Variants in ST8SIA6 observed in about 807,000 individuals in gnomAD.
ST8SIA6 encodes the protein alpha-2,8-sialyltransferase 8F.
Under a neutral mutation model 33.6 loss-of-function variants are expected in ST8SIA6, and 39 were observed. The ratio of observed to expected loss-of-function variants is 1.16; its 90% confidence interval spans 0.90 to 1.52. ST8SIA6 has a LOEUF of 1.52. Among genes scored for constraint, ST8SIA6 ranks in the 40% most tolerant of loss-of-function variants. The pLI, the probability that ST8SIA6 is intolerant of heterozygous loss-of-function variation, is 0.00. For missense variants in ST8SIA6, 441 were observed against 443.8 expected (o/e 0.99, Z 0.06); for synonymous variants, 172 against 167.2 (o/e 1.03, Z -0.22).
In ST8SIA6 at chr10:17,360,920, GGAA is replaced by G. The variant is rs72408184; in HGVS notation, c.291-1323_291-1321del. 7.5e-3 allele frequency among the ~76,000 whole-genome samples: 1,120 copies of G among 148,946 alleles called. 5 individuals carry two copies. The highest frequency in any genetic ancestry group is 0.013 in the Non-Finnish European group (898 of 67,218). On this transcript the variant is annotated intron_variant, in intron 3 of 7. Coordinates refer to ENST00000377602, the MANE Select transcript of ST8SIA6 (RefSeq NM_001004470.3). ...GACGAAGAAGAAGAAGAGGAAGAAG[GGAA>G]GAAGAAGAGGAAAAGGAAGAAGAAG... is the stretch of plus-strand genomic sequence containing the variant.
chr10:17,322,054 G>A (rs1588773257), intron 7 of ST8SIA6, among the ~76,000 whole-genome samples: 2 of 151,622 alleles, frequency 1.3e-5, no homozygotes, highest in South Asian at 4.2e-4. Context: ...AGTGACCTGT[G>A]ATTGCACTGC....
chr10:17,406,361 AC>A (rs1851257881), intron 2 of ST8SIA6, among the ~76,000 whole-genome samples: 1 of 152,202 alleles, frequency 6.6e-6, no homozygotes, highest in East Asian at 1.9e-4. Context: ...TTGCCTTCCC[AC>A]ATTTTCCCAC....
At chr10:17,430,761 T>C (rs1852078725) in intron 2 of ST8SIA6, among the ~76,000 whole-genome samples, 1 of 152,206 alleles carries the variant, frequency 6.6e-6, no homozygotes, top group Non-Finnish European at 1.5e-5. Context: ...TTTGTTTGAG[T>C]TCCTCGTAGA....
chr10:17,432,269 T>A (rs559075018), intron 2 of ST8SIA6, among the ~76,000 whole-genome samples: 15 of 152,288 alleles, frequency 9.8e-5, no homozygotes, highest in African/African-American at 3.6e-4. Context: ...CTGAGTGAAC[T>A]GAGGAGTCAC....
intron 3 of ST8SIA6, among the ~76,000 whole-genome samples, chr10:17,359,906 C>G (rs957237973): frequency 1.3e-5 from 2 of 152,040 alleles, no homozygotes; most frequent in African/African-American, 4.8e-5. Flanking sequence ...AAATAATTGA[C>G]AAATATATAT....
intron 4 of ST8SIA6, among the ~76,000 whole-genome samples, chr10:17,333,718 T>TATAGATAGATATATATA (rs1491246829): frequency 4.1e-5 from 1 of 24,280 alleles, no homozygotes; most frequent in African/African-American, 1.7e-4. Flanking sequence ...TATATATATA[T>TATAGATAGATATATATA]TTTTTTTTTT....
chr10:17,346,865 G>A (rs1348656181), intron 4 of ST8SIA6, among the ~76,000 whole-genome samples: 1 of 152,068 alleles, frequency 6.6e-6, no homozygotes, highest in Non-Finnish European at 1.5e-5. Context: ...TTGTATCTAT[G>A]TATTTATGTA....
At chr10:17,411,430 A>AG (rs1851446137) in intron 2 of ST8SIA6, among the ~76,000 whole-genome samples, 1 of 152,050 alleles carries the variant, frequency 6.6e-6, no homozygotes, top group South Asian at 2.1e-4. Context: ...TGATCTTCCC[A>AG]CCTGGGCCTC....
intron 2 of ST8SIA6, among the ~76,000 whole-genome samples, chr10:17,407,158 C>T (rs1851295282): frequency 6.6e-6 from 1 of 152,110 alleles, no homozygotes. Flanking sequence ...TTTTTTAAAC[C>T]CACATAGCTT....
At position 17,315,489 on chromosome 10, in the gene ST8SIA6, G is replaced by A. The variant is rs566210987; in HGVS notation, c.*5389C>T. 1.9e-4 allele frequency among the ~76,000 whole-genome samples: 29 copies of A among 152,066 alleles called. No individual in the cohort carries two copies. In the East Asian group the frequency reaches 3.7e-3, roughly 19 times the overall value. On this transcript the variant is annotated 3_prime_UTR_variant, in exon 8 of 8. Transcript: ENST00000377602. ...GATAGTAAAATGTTCATCAACAAATGAGCAGATAAGCCAACTGTGGTCCAT... is the reference window on the plus strand; with the variant it reads ...GATAGTAAAATGTTCATCAACAAATAAGCAGATAAGCCAACTGTGGTCCAT...
rs1215013385 is a variant in ST8SIA6 at position 17,315,737 on chromosome 10, G to T, written c.*5141C>A. Reference sequence around the variant, plus strand: ...AGATTAGGAATTTTCTGGGGACGAGGGTGGGATGGACAGGGAGGAAGAAGA... The same window carrying T: ...AGATTAGGAATTTTCTGGGGACGAGTGTGGGATGGACAGGGAGGAAGAAGA... On this transcript the variant is annotated 3_prime_UTR_variant, in exon 8 of 8. Transcript: ENST00000377602. Among the ~76,000 whole-genome samples, 1 of 151,908 alleles carries T rather than the reference G, an allele frequency of 6.6e-6. No homozygotes were observed. The highest frequency in any genetic ancestry group is 1.5e-5 in the Non-Finnish European group (1 of 67,870).
intron 4 of ST8SIA6, among the ~76,000 whole-genome samples, chr10:17,335,570 A>C (rs1232499431): frequency 3.3e-5 from 5 of 152,164 alleles, no homozygotes; most frequent in African/African-American, 1.2e-4. Context: ...TATCCTTCTT[A>C]ATTGGATTCT....
rs954085240 is a variant in ST8SIA6 at position 17,331,526 on chromosome 10, G to A, written c.404C>T (p.Ala135Val). Reference protein sequence around the residue: ...FRAKLASCCDAVQNFVVSQNN... With the variant: ...FRAKLASCCDVVQNFVVSQNN... Reference sequence around the variant, plus strand: ...CTGAGAAACAACAAAGTTTTGAACAGCATCACAGCAGGAAGCAAGTTTGGC... The same window carrying A: ...CTGAGAAACAACAAAGTTTTGAACAACATCACAGCAGGAAGCAAGTTTGGC... Residue 135 changes from alanine to valine, a missense_variant, in exon 5 of 8, where the codon GCT (alanine) becomes GTT (valine). Transcript: ENST00000377602. 4 of 1,611,300 alleles carry A rather than the reference G, an allele frequency of 2.5e-6. No individual in the cohort carries two copies. Among genetic ancestry groups the A allele is most frequent in the Non-Finnish European group, 3.4e-6 (4 of 1,179,146 alleles).
At chr10:17,439,142 T>C (rs1852381056) in intron 2 of ST8SIA6, among the ~76,000 whole-genome samples, 1 of 152,278 alleles carries the variant, frequency 6.6e-6, no homozygotes, top group Admixed American at 6.5e-5. Flanking sequence ...TTTAAAATGA[T>C]AATTTCATTT....
intron 4 of ST8SIA6, among the ~76,000 whole-genome samples, chr10:17,338,503 C>T (rs1482536676): frequency 6.6e-6 from 1 of 152,156 alleles, no homozygotes; most frequent in Non-Finnish European, 1.5e-5. Context: ...AGCCTGTTCC[C>T]CTTGGATGCT....
intron 4 of ST8SIA6, among the ~76,000 whole-genome samples, chr10:17,332,493 C>G (rs1187081416): frequency 6.6e-6 from 1 of 152,190 alleles, no homozygotes; most frequent in Non-Finnish European, 1.5e-5. Context: ...GAGACAGAGT[C>G]TCACTCAATC....
chr10:17,358,534 A>G (rs17140768), intron 4 of ST8SIA6, among the ~76,000 whole-genome samples: 27,870 of 151,822 alleles, frequency 0.18, 2,631 homozygotes, highest in South Asian at 0.21. Context: ...GGCATAGCAC[A>G]AAATTGGAAT....
rs752681503 is a variant in ST8SIA6 at position 17,323,089 on chromosome 10, A to G, written c.704T>C (p.Ile235Thr). The change falls in exon 7 of 8, where the codon ATA (isoleucine) becomes ACA (threonine). Residue 235 changes from isoleucine to threonine, a missense_variant. Physicochemically the swap from Ile to Thr is moderately conservative, Grantham distance 89. Coordinates refer to ENST00000377602, the MANE Select transcript of ST8SIA6 (RefSeq NM_001004470.3). ...CTTCAGAGTTATGATGCTTGGATTT[A>G]TAGTCACAAGATTTGTTTTACTGCC... is the stretch of plus-strand genomic sequence containing the variant. ...DVGSKTNLVT[I>T]NPSIITLKYG... 5 of 1,613,690 alleles carry G rather than the reference A, an allele frequency of 3.1e-6. No individual in the cohort carries two copies. The highest frequency in any genetic ancestry group is 1.1e-5 in the South Asian group (1 of 91,042).
At chr10:17,337,898 G>T (rs1434210247) in intron 4 of ST8SIA6, among the ~76,000 whole-genome samples, 1 of 152,092 alleles carries the variant, frequency 6.6e-6, no homozygotes, top group East Asian at 1.9e-4. Context: ...ATAATGCAAG[G>T]TTTCACCTTC....
Sources: gnomAD v4.1 joint callset for allele counts (sites outside exome capture counted in the v4.1 genomes callset) on GRCh38, gnomAD v4.1.1 for gene constraint, MANE v1.5 for transcripts, NCBI Gene and HGNC (gene_info 2026-07-23, HGNC 2026-07-21) for gene names.